MLYCD: variants seen among roughly 807,000 people sequenced by gnomAD.
MLYCD encodes malonyl-CoA decarboxylase, also known as malonyl-CoA decarboxylase, mitochondrial.
MLYCD carries 27 observed loss-of-function variants against 35.8 expected under a neutral mutation model. That is an observed-to-expected ratio of 0.75 (90% CI 0.56 to 1.04). MLYCD has a LOEUF of 1.04. Among genes scored for constraint, MLYCD ranks in the 50% least tolerant of loss-of-function variants. The pLI is 0.00. For synonymous variants in MLYCD, 403 were observed against 302.4 expected (o/e 1.33, Z -3.45); for missense variants, 917 against 665.1 (o/e 1.38, Z -4.17).
intron 1 of MLYCD, among the ~76,000 whole-genome samples, chr16:83,900,088 C>T (rs1228403342): frequency 1.3e-5 from 2 of 152,174 alleles, no homozygotes; most frequent in African/African-American, 4.8e-5. Context: ...TTCAGAAGTT[C>T]ACTGGGCACC....
At chr16:83,909,582 T>TTGCCCTGA (rs1277594932) in intron 3 of MLYCD, among the ~76,000 whole-genome samples, 1 of 151,948 alleles carries the variant, frequency 6.6e-6, no homozygotes, top group Non-Finnish European at 1.5e-5. Context: ...TTGTGTGTTA[T>TTGCCCTGA]TGCCCTGAGC....
intron 3 of MLYCD, among the ~76,000 whole-genome samples, chr16:83,910,978 T>A (rs3826130): frequency 0.071 from 10,820 of 152,108 alleles, 451 homozygotes; most frequent in East Asian, 0.11. Flanking sequence ...ACAATTTCTT[T>A]CTTTTTTTCT....
intron 3 of MLYCD, among the ~76,000 whole-genome samples, chr16:83,909,272 A>G (rs1224199875): frequency 6.6e-6 from 1 of 152,210 alleles, no homozygotes; most frequent in African/African-American, 2.4e-5. Context: ...CCTGAGAGTC[A>G]GATGGCTATT....
At chr16:83,907,173 A>C (rs1907009453) in intron 2 of MLYCD, 74 bp downstream of exon 2, 1 of 1,257,744 alleles carries the variant, frequency 8.0e-7, no homozygotes, top group African/African-American at 1.5e-5. Flanking sequence ...ATATTGGCTA[A>C]AAGCTAATCT....
intron 1 of MLYCD, among the ~76,000 whole-genome samples, chr16:83,900,335 G>A (rs1035776625): frequency 1.3e-5 from 2 of 152,182 alleles, no homozygotes; most frequent in Non-Finnish European, 2.9e-5. Context: ...CACATACTTT[G>A]AGATTTAAAT....
Position 83,916,092 on chromosome 16 carries a change from A to G in MLYCD, c.*603A>G. 2 of 997,044 alleles carry G rather than the reference A, an allele frequency of 2.0e-6. No homozygotes were observed. Among genetic ancestry groups the G allele is most frequent in the Non-Finnish European group, 2.4e-6 (2 of 835,420 alleles). 61.8% of individuals were successfully genotyped at this position (997,044 alleles called of 1,614,324 possible). ...ACACAAAAATGTTGCTGCTTGAGGC[A>G]TAAGTTGGATAATAGGCTTTAAATG... On this transcript the variant is annotated 3_prime_UTR_variant, in exon 5 of 5. Transcript: ENST00000262430.
rs948571983 is a variant in MLYCD at position 83,916,416 on chromosome 16, C to T, written c.*927C>T. ...TGTGCACGAGCGTCTCTGTGTGGAT[C>T]AGTGCACGTCTGTGCGTGTGCACGA... is the stretch of plus-strand genomic sequence containing the variant. On this transcript the variant is annotated 3_prime_UTR_variant, in exon 5 of 5. Coordinates refer to ENST00000262430, the MANE Select transcript of MLYCD (RefSeq NM_012213.3). The T allele has an allele frequency of 6.4e-6, 1 of 157,320 alleles. No individual in the cohort carries two copies. Among genetic ancestry groups the T allele is most frequent in the South Asian group, 2.0e-4 (1 of 4,906 alleles). 9.7% of individuals were successfully genotyped at this position (157,320 alleles called of 1,614,324 possible).
chr16:83,901,143 A>G (rs545384874), intron 1 of MLYCD, among the ~76,000 whole-genome samples: 7 of 152,296 alleles, frequency 4.6e-5, no homozygotes, highest in African/African-American at 1.7e-4. Flanking sequence ...TGGCCGTAAG[A>G]TTCTCAGACA....
At position 83,920,312 on chromosome 16, in the gene MLYCD, T is replaced by C. The variant is rs911306182; in HGVS notation, c.*4823T>C. On this transcript the variant is annotated 3_prime_UTR_variant, in exon 5 of 5. Transcript: ENST00000262430. ...TAGGCACGGGTTCCTCAAAACCTTT[T>C]TGGGCAGCTAGCAGCTTTGACTAGC... 6.6e-6 allele frequency: 1 copy of C among 152,178 alleles called. No individual in the cohort carries two copies. Among genetic ancestry groups the C allele is most frequent in the African/African-American group, 2.4e-5 (1 of 41,448 alleles). 9.4% of individuals were successfully genotyped at this position (152,178 alleles called of 1,614,324 possible).
rs1907559950 is a variant in MLYCD at position 83,919,294 on chromosome 16, TTC to T, written c.*3806_*3807del. 8.6e-6 allele frequency: 1 copy of T among 116,176 alleles called. No individual in the cohort carries two copies. The highest frequency in any genetic ancestry group is 3.5e-5 in the African/African-American group (1 of 28,838). 7.2% of individuals were successfully genotyped at this position (116,176 alleles called of 1,614,324 possible). A position where few individuals can be genotyped will look rare whatever the true frequency, so the allele number is the denominator to read the frequency against. On this transcript the variant is annotated 3_prime_UTR_variant, in exon 5 of 5. Transcript: ENST00000262430. ...AGAATACACATGGTGCACAGCAGAATTCACACAGTGCACAGGAGAACACACAC... is the reference window on the plus strand; with the variant it reads ...AGAATACACATGGTGCACAGCAGAATACACAGTGCACAGGAGAACACACAC...
rs74830340 is a variant in MLYCD, at chr16:83,916,160, C to A, written c.*671C>A. The A allele has an allele frequency of 4.3e-5, 43 of 991,412 alleles. No individual in the cohort carries two copies. The highest frequency in any genetic ancestry group is 4.9e-5 in the Non-Finnish European group (41 of 832,506). The allele number at this position is 991,412 out of a possible 1,614,324, so 61.4% of individuals were successfully genotyped here. ...ATAATGAACTTCACAGTAAAGAACA[C>A]GTTTGTTCTGTAAAGCATTGAACAT... On this transcript the variant is annotated 3_prime_UTR_variant, in exon 5 of 5. Coordinates refer to ENST00000262430, the MANE Select transcript of MLYCD (RefSeq NM_012213.3).
chr16:83,902,310 C>G (rs990057921), intron 1 of MLYCD, among the ~76,000 whole-genome samples: 10 of 150,490 alleles, frequency 6.6e-5, no homozygotes, highest in Non-Finnish European at 1.0e-4. Flanking sequence ...GCAAGCAATC[C>G]TCCAATCCCA....
chr16:83,900,246 G>A (rs1204344267), intron 1 of MLYCD, among the ~76,000 whole-genome samples: 1 of 152,118 alleles, frequency 6.6e-6, no homozygotes, highest in Non-Finnish European at 1.5e-5. Context: ...AACTCCCTGC[G>A]TTCAGTACTT....
In MLYCD at chr16:83,919,975, AAC is replaced by A. The variant is rs1907597102; in HGVS notation, c.*4491_*4492del. ...ACACGCAATTCACAGGACACAACAGAACACACGCAGTGCACAGGACACAACAG... is the reference window on the plus strand; with the variant it reads ...ACACGCAATTCACAGGACACAACAGAACACGCAGTGCACAGGACACAACAG... On this transcript the variant is annotated 3_prime_UTR_variant, in exon 5 of 5. Coordinates refer to ENST00000262430, the MANE Select transcript of MLYCD (RefSeq NM_012213.3). The A allele has an allele frequency of 1.3e-5, 2 of 151,092 alleles. No homozygotes were observed. The highest frequency in any genetic ancestry group is 2.1e-4 in the South Asian group (1 of 4,786). The allele number at this position is 151,092 out of a possible 1,614,324, so 9.4% of individuals were successfully genotyped here.
Position 83,921,288 on chromosome 16 carries a change from G to A in MLYCD, c.*5799G>A, listed in dbSNP as rs529514169. ...GGTGGATGTTTGGATGGATGGTGGA[G>A]GGCAGAGTGTTAATGGAAGGAAGAT... On this transcript the variant is annotated 3_prime_UTR_variant, in exon 5 of 5. Coordinates refer to ENST00000262430, the MANE Select transcript of MLYCD (RefSeq NM_012213.3). 4.0e-5 allele frequency: 6 copies of A among 150,540 alleles called. No homozygotes were observed. In the South Asian group the frequency reaches 1.3e-3, roughly 32 times the overall value. 9.3% of individuals were successfully genotyped at this position (150,540 alleles called of 1,614,324 possible). A position where few individuals can be genotyped will look rare whatever the true frequency, so the allele number is the denominator to read the frequency against.
chr16:83,913,186 A>G (rs972941470), intron 4 of MLYCD: 1 of 152,242 alleles, frequency 6.6e-6, no homozygotes, highest in Non-Finnish European at 1.5e-5. Context: ...TAAATTCATA[A>G]TCAATTTCTA....
Position 83,925,471 on chromosome 16 carries a change from C to G in MLYCD, c.*9982C>G, listed in dbSNP as rs1907777489. The G allele has an allele frequency of 6.6e-6, 1 of 152,424 alleles. No homozygotes were observed. Among genetic ancestry groups the G allele is most frequent in the Non-Finnish European group, 1.5e-5 (1 of 68,202 alleles). 9.4% of individuals were successfully genotyped at this position (152,424 alleles called of 1,614,324 possible). A position where few individuals can be genotyped will look rare whatever the true frequency, so the allele number is the denominator to read the frequency against. On this transcript the variant is annotated 3_prime_UTR_variant, in exon 5 of 5. Transcript: ENST00000262430. Reference sequence around the variant, plus strand: ...TGCATTAACTAACCTCGCAGGTGCTCTGCCCACCTGCCTACGCCAGACTCT... The same window carrying G: ...TGCATTAACTAACCTCGCAGGTGCTGTGCCCACCTGCCTACGCCAGACTCT...
chr16:83,914,943 C>T lies in MLYCD; in HGVS notation c.949-13C>T, dbSNP rs766777337. The T allele has an allele frequency of 8.1e-6, 13 of 1,614,126 alleles. No homozygotes were observed. Among genetic ancestry groups the T allele is most frequent in the Non-Finnish European group, 1.1e-5 (13 of 1,180,054 alleles). The stretch of plus-strand genomic sequence containing the variant: ...TTCTCCGCCTTCCTTTCCACCCCAA[C>T]CATGCTTTACAGAGAGAGTTTCCTC... On this transcript the variant is annotated splice_polypyrimidine_tract_variant and intron_variant, in intron 4 of 4. Transcript: ENST00000262430.
At chr16:83,899,770 C>T (rs573616924) in intron 1 of MLYCD, 98 bp downstream of exon 1, 7 of 1,349,158 alleles carry the variant, frequency 5.2e-6, no homozygotes, top group Non-Finnish European at 6.8e-6. Context: ...CCCGCCTTCC[C>T]TGCCCGATAG....
Sources: gnomAD v4.1 joint callset for allele counts (sites outside exome capture counted in the v4.1 genomes callset) on GRCh38, gnomAD v4.1.1 for gene constraint, MANE v1.5 for transcripts, NCBI Gene and HGNC (gene_info 2026-07-23, HGNC 2026-07-21) for gene names.